Variants in CNTNAP2 observed in about 807,000 individuals in gnomAD.
The protein encoded by CNTNAP2 is contactin-associated protein-like 2.
Under a neutral mutation model 155.2 loss-of-function variants are expected in CNTNAP2, and 98 were observed. The observed-to-expected ratio is 0.63, with a 90% CI of 0.54 to 0.75. The LOEUF is 0.75. CNTNAP2 is among the 30% of genes least tolerant of loss of function. CNTNAP2 has a pLI of 0.00. For synonymous variants in CNTNAP2, 651 were observed against 631.2 expected, an observed-to-expected ratio of 1.03 and a Z score of -0.47; for missense variants, 1,727 against 1,688.1, an observed-to-expected ratio of 1.02 and a Z score of -0.40.
intron 1 of CNTNAP2, among the ~76,000 whole-genome samples, chr7:146,762,779 C>T (rs1309697817): frequency 6.6e-6 from 1 of 152,140 alleles, no homozygotes; most frequent in Non-Finnish European, 1.5e-5. Flanking sequence ...AAAGTCATGT[C>T]TTACATGGTG....
At chr7:148,156,469 C>G (rs1203561580) in intron 17 of CNTNAP2, among the ~76,000 whole-genome samples, 1 of 152,006 alleles carries the variant, frequency 6.6e-6, no homozygotes, top group Non-Finnish European at 1.5e-5. Flanking sequence ...TCCTGCATTC[C>G]CTCCTTCCTC....
intron 2 of CNTNAP2, among the ~76,000 whole-genome samples, chr7:146,824,628 C>G (rs1028188464): frequency 1.6e-4 from 25 of 152,110 alleles, no homozygotes; most frequent in Admixed American, 1.5e-3. Context: ...TTTCATTTCT[C>G]TAATGACCAG....
chr7:146,483,083 T>TG (rs1428497357), intron 1 of CNTNAP2, among the ~76,000 whole-genome samples: 1 of 151,182 alleles, frequency 6.6e-6, no homozygotes, highest in East Asian at 2.0e-4. Context: ...GAGACCATCC[T>TG]GGCTAACACG....
rs539571068 is a variant in CNTNAP2, at chr7:147,285,424, G to A, written c.1349-14717G>A. Among the ~76,000 whole-genome samples, 10 of 151,886 alleles carry A rather than the reference G, an allele frequency of 6.6e-5. No homozygotes were observed. In the South Asian group the frequency reaches 1.9e-3, roughly 28 times the overall value. On this transcript the variant is annotated intron_variant, in intron 8 of 23. Coordinates refer to ENST00000361727, the MANE Select transcript of CNTNAP2 (RefSeq NM_014141.6). ...AAATTTTGAAATATTTCAAAGAATA[G>A]AATTAATCATACATACTATTTTAAA...
At chr7:146,941,355 C>A (rs934962423) in intron 3 of CNTNAP2, among the ~76,000 whole-genome samples, 7 of 152,014 alleles carry the variant, frequency 4.6e-5, no homozygotes, top group Non-Finnish European at 1.0e-4. Flanking sequence ...TATCTTTGAT[C>A]ACAAAAAAGC....
chr7:147,697,593 A>C (rs928491029), intron 13 of CNTNAP2, among the ~76,000 whole-genome samples: 1 of 152,044 alleles, frequency 6.6e-6, no homozygotes, highest in Non-Finnish European at 1.5e-5. Context: ...GAAGCATTCT[A>C]TGATTAGGTC....
chr7:146,796,041 GA>G (rs1207350824), intron 2 of CNTNAP2, among the ~76,000 whole-genome samples: 30 of 152,084 alleles, frequency 2.0e-4, no homozygotes, highest in Admixed American at 1.5e-3. Context: ...AGTCATAGAA[GA>G]ATACATACAA....
chr7:147,414,956 A>AAG (rs1797167408), intron 10 of CNTNAP2, among the ~76,000 whole-genome samples: 1 of 150,504 alleles, frequency 6.6e-6, no homozygotes, highest in Non-Finnish European at 1.5e-5. Context: ...AAAAAAAAAA[A>AAG]AAAAAAAGAA....
Position 147,404,782 on chromosome 7 carries a change from C to G in CNTNAP2, c.1670+9002C>G, listed in dbSNP as rs371369051. Among the ~76,000 whole-genome samples, 7 of 152,238 alleles carry G rather than the reference C, an allele frequency of 4.6e-5. 1 individual carries two copies. Among genetic ancestry groups the G allele is most frequent in the African/African-American group, 1.7e-4 (7 of 41,544 alleles). On this transcript the variant is annotated intron_variant, in intron 10 of 23. Coordinates refer to ENST00000361727, the MANE Select transcript of CNTNAP2 (RefSeq NM_014141.6). ...TCTTTCTAGCACAAAAACATCAGCT[C>G]AATGACCTAAAAGTATCACATACCC... is the stretch of plus-strand genomic sequence containing the variant.
chr7:148,147,626 A>G lies in CNTNAP2; in HGVS notation c.2690A>G (p.Gln897Arg). The change falls in exon 17 of 24, where the codon CAG becomes CGG. Residue 897 changes from glutamine to arginine, a missense_variant. Gln to Arg is a conservative substitution (Grantham distance 43). Transcript: ENST00000361727. ...AERNVKQASL[Q>R]VDRLPQQIRK... ...AGGAATGTCAAGCAGGCCAGCCTAC[A>G]GGTGGACCGGCTACCGCAGCAGATC... The G allele has an allele frequency of 6.2e-7, 1 of 1,614,172 alleles. No individual in the cohort carries two copies. The highest frequency in any genetic ancestry group is 8.5e-7 in the Non-Finnish European group (1 of 1,180,026).
intron 10 of CNTNAP2, among the ~76,000 whole-genome samples, chr7:147,404,694 C>T (rs1389592001): frequency 6.6e-6 from 1 of 152,078 alleles, no homozygotes; most frequent in Admixed American, 6.5e-5. Context: ...TCTTTAGCTT[C>T]CTTTGGTTTC....
intron 1 of CNTNAP2, among the ~76,000 whole-genome samples, chr7:146,590,853 A>G (rs538355731): frequency 6.6e-6 from 1 of 152,330 alleles, no homozygotes; most frequent in East Asian, 1.9e-4. Flanking sequence ...AACAGCTGAT[A>G]CAGGTATTCT....
chr7:148,120,718 G>T (rs1414978870), intron 16 of CNTNAP2, among the ~76,000 whole-genome samples: 1 of 151,954 alleles, frequency 6.6e-6, no homozygotes, highest in African/African-American at 2.4e-5. Context: ...CTTTACTCTG[G>T]GCAAAAACAT....
rs527245508 is a variant in CNTNAP2 at position 148,092,950 on chromosome 7, CAGTT to C, written c.2384-25167_2384-25164del. Among the ~76,000 whole-genome samples the C allele has an allele frequency of 1.9e-3, 281 of 146,694 alleles. 1 individual carries two copies. Among genetic ancestry groups the C allele is most frequent in the African/African-American group, 6.4e-3 (257 of 39,860 alleles). On this transcript the variant is annotated intron_variant, in intron 15 of 23. Coordinates refer to ENST00000361727, the MANE Select transcript of CNTNAP2 (RefSeq NM_014141.6). ...CCTGCCTTCTGACAACACAGATAAA[CAGTT>C]TAGTTGATAATCCCCCACATCTTCT...
chr7:146,937,529 T>C (rs1314708470), intron 3 of CNTNAP2, among the ~76,000 whole-genome samples: 1 of 152,146 alleles, frequency 6.6e-6, no homozygotes, highest in Non-Finnish European at 1.5e-5. Flanking sequence ...GTAGTGCTTT[T>C]CTCACAAGCT....
chr7:147,470,041 T>C (rs189701853), intron 10 of CNTNAP2, among the ~76,000 whole-genome samples: 80 of 152,200 alleles, frequency 5.3e-4, no homozygotes, highest in Non-Finnish European at 9.3e-4. Flanking sequence ...TCAATAGGAA[T>C]TGAATGAGGT....
chr7:146,763,341 TA>T (rs1184547078), intron 1 of CNTNAP2, among the ~76,000 whole-genome samples: 2 of 152,182 alleles, frequency 1.3e-5, no homozygotes, highest in Non-Finnish European at 2.9e-5. Context: ...ACCTTATCAG[TA>T]AGGCCTTCTG....
At chr7:147,955,082 G>A (rs1800996357) in intron 14 of CNTNAP2, among the ~76,000 whole-genome samples, 1 of 152,148 alleles carries the variant, frequency 6.6e-6, no homozygotes, top group Non-Finnish European at 1.5e-5. Flanking sequence ...GGCTTTCCAA[G>A]TTCACTGTAG....
chr7:146,802,534 T>C (rs988169601), intron 2 of CNTNAP2, among the ~76,000 whole-genome samples: 1 of 152,278 alleles, frequency 6.6e-6, no homozygotes. Context: ...ACCTTGCTGC[T>C]TTTACGATAG....
Sources: allele counts gnomAD v4.1 joint callset (sites outside exome capture counted in the v4.1 genomes callset), GRCh38; gene constraint gnomAD v4.1.1; transcripts MANE v1.5; gene names NCBI Gene and HGNC (gene_info 2026-07-23, HGNC 2026-07-21).